CSMD3: variants seen among roughly 807,000 people sequenced by gnomAD.
The protein encoded by CSMD3 is CUB and sushi domain-containing protein 3.
A neutral mutation model predicts 435.2 loss-of-function variants in CSMD3; 177 were observed. The observed-to-expected ratio is 0.41, with a 90% CI of 0.36 to 0.46. CSMD3 has a LOEUF of 0.46. Among genes scored for constraint, CSMD3 ranks in the 20% least tolerant of loss-of-function variants. The pLI, the probability that CSMD3 is intolerant of heterozygous loss-of-function variation, is 0.34. For synonymous variants in CSMD3, 1,656 were observed against 1,520.5 expected (o/e 1.09, Z -2.07); for missense variants, 4,265 against 4,504.6 (o/e 0.95, Z 1.52).
intron 5 of CSMD3, among the ~76,000 whole-genome samples, chr8:113,043,049 C>T (rs976186322): frequency 1.3e-5 from 2 of 152,128 alleles, no homozygotes; most frequent in Non-Finnish European, 1.5e-5. Flanking sequence ...TAACTAGTTT[C>T]GTGTCTCTAA....
At position 113,377,376 on chromosome 8, in the gene CSMD3, C is replaced by A. The variant is rs186091397; in HGVS notation, c.178+59301G>T. ...TATTTCAGTATACACATGAAGTATT[C>A]CAGTTGTAAAATAATATCTGAAAGT... is the stretch of plus-strand genomic sequence containing the variant. On this transcript the variant is annotated intron_variant, in intron 1 of 70. Coordinates refer to ENST00000297405, the MANE Select transcript of CSMD3 (RefSeq NM_198123.2). 4.5e-3 allele frequency: 731 copies of A among 163,328 alleles called. 11 individuals carry two copies. Among genetic ancestry groups the A allele is most frequent in the African/African-American group, 0.017 (703 of 41,622 alleles). 10.1% of individuals were successfully genotyped at this position (163,328 alleles called of 1,614,324 possible).
chr8:112,596,711 C>G (rs1831757426), intron 22 of CSMD3, among the ~76,000 whole-genome samples: 1 of 152,034 alleles, frequency 6.6e-6, no homozygotes, highest in Non-Finnish European at 1.5e-5. Flanking sequence ...GATTAAGAAT[C>G]TCACTCAAAA....
At chr8:112,814,973 G>A (rs959744180) in intron 12 of CSMD3, among the ~76,000 whole-genome samples, 19 of 51,960 alleles carry the variant, frequency 3.7e-4, no homozygotes, top group Admixed American at 3.0e-3. Context: ...TGCAACTTTC[G>A]CTTTTTATGA....
rs1048941770 is a variant in CSMD3 at position 112,351,385 on chromosome 8, A to C, written c.6256-141T>G. ...ACATATTTACTTATATGAAAATCTT[A>C]GCATGATTAAAGTAAGAAAGGTGAT... is the stretch of plus-strand genomic sequence containing the variant. On this transcript the variant is annotated intron_variant, in intron 39 of 70. Coordinates refer to ENST00000297405, the MANE Select transcript of CSMD3 (RefSeq NM_198123.2). 1.3e-5 allele frequency: 8 copies of C among 607,338 alleles called. No homozygotes were observed. The African/African-American group carries it at 1.5e-4, about 11-fold the overall frequency. The allele number at this position is 607,338 out of a possible 1,614,324, so 37.6% of individuals were successfully genotyped here. A position where few individuals can be genotyped will look rare whatever the true frequency, so the allele number is the denominator to read the frequency against.
chr8:113,223,868 C>A, intron 3 of CSMD3, among the ~76,000 whole-genome samples: 1 of 149,832 alleles, frequency 6.7e-6, no homozygotes, highest in East Asian at 2.0e-4. Context: ...ATATTATTTC[C>A]AGCTACTAAT....
chr8:112,424,835 G>C (rs1341258400), intron 32 of CSMD3, among the ~76,000 whole-genome samples: 1 of 152,112 alleles, frequency 6.6e-6, no homozygotes, highest in African/African-American at 2.4e-5. Context: ...GGGACCACAG[G>C]CATGTGCCAC....
At chr8:112,870,573 G>A (rs944462016) in intron 10 of CSMD3, among the ~76,000 whole-genome samples, 1 of 151,854 alleles carries the variant, frequency 6.6e-6, no homozygotes, top group African/African-American at 2.4e-5. Context: ...ACTGCGCCCG[G>A]CCCAGAATGG....
At chr8:113,261,388 T>C (rs896364934) in intron 3 of CSMD3, among the ~76,000 whole-genome samples, 2 of 152,158 alleles carry the variant, frequency 1.3e-5, no homozygotes, top group African/African-American at 4.8e-5. Flanking sequence ...AATTAGCATG[T>C]ATTTTTCAAT....
chr8:112,258,076 A>T (rs1268124824), intron 61 of CSMD3, among the ~76,000 whole-genome samples: 1 of 152,218 alleles, frequency 6.6e-6, no homozygotes, highest in Non-Finnish European at 1.5e-5. Context: ...CTGGTGAGCC[A>T]TACGCAGAAA....
At chr8:112,598,948 C>T (rs895192705) in intron 22 of CSMD3, among the ~76,000 whole-genome samples, 1 of 151,250 alleles carries the variant, frequency 6.6e-6, no homozygotes, top group African/African-American at 2.4e-5. Flanking sequence ...CCATTCAGGA[C>T]ATAGGCATGG....
intron 19 of CSMD3, among the ~76,000 whole-genome samples, chr8:112,645,490 T>C (rs1382717857): frequency 1.3e-5 from 2 of 152,176 alleles, no homozygotes; most frequent in African/African-American, 4.8e-5. Flanking sequence ...ATAAGCAGTA[T>C]TTGCATAAAT....
intron 5 of CSMD3, among the ~76,000 whole-genome samples, chr8:113,019,936 G>T (rs1167008056): frequency 6.6e-6 from 1 of 151,768 alleles, no homozygotes; most frequent in Non-Finnish European, 1.5e-5. Flanking sequence ...GGCCGAGGCG[G>T]GTGGATCATG....
At chr8:112,335,191 T>C in intron 45 of CSMD3, 138 bp downstream of exon 45, 1 of 837,312 alleles carries the variant, frequency 1.2e-6, no homozygotes, top group Non-Finnish European at 1.9e-6. Flanking sequence ...GTGTTTGAAA[T>C]GCTAAAGTTA....
At chr8:113,246,847 T>C (rs542943193) in intron 3 of CSMD3, among the ~76,000 whole-genome samples, 3 of 152,292 alleles carry the variant, frequency 2.0e-5, no homozygotes, top group South Asian at 2.1e-4. Context: ...TTGACTAAGA[T>C]TGAACGGAGA....
chr8:112,635,496 T>A (rs1170829306), intron 22 of CSMD3, among the ~76,000 whole-genome samples: 1 of 151,724 alleles, frequency 6.6e-6, no homozygotes, highest in Non-Finnish European at 1.5e-5. Flanking sequence ...GTAGCAGTAG[T>A]AACAACAAAA....
intron 12 of CSMD3, among the ~76,000 whole-genome samples, chr8:112,807,526 AGG>A (rs2079120264): frequency 6.7e-6 from 1 of 150,360 alleles, no homozygotes; most frequent in Non-Finnish European, 1.5e-5. Flanking sequence ...GTAGGTAGGT[AGG>A]TAGGTAGGTA....
chr8:112,749,820 T>C (rs2077525743), intron 13 of CSMD3, among the ~76,000 whole-genome samples: 1 of 151,644 alleles, frequency 6.6e-6, no homozygotes, highest in Non-Finnish European at 1.5e-5. Flanking sequence ...ATTCAAATTA[T>C]AACTAGAAGT....
At chr8:112,440,695 T>C (rs531284545) in intron 32 of CSMD3, among the ~76,000 whole-genome samples, 9 of 152,322 alleles carry the variant, frequency 5.9e-5, no homozygotes, top group Non-Finnish European at 8.8e-5. Context: ...TTGATTTTTG[T>C]GTACCCACAG....
At chr8:112,492,295 G>A (rs1820777393) in intron 31 of CSMD3, among the ~76,000 whole-genome samples, 194 bp downstream of exon 31, 1 of 152,072 alleles carries the variant, frequency 6.6e-6, no homozygotes, top group Non-Finnish European at 1.5e-5. Flanking sequence ...AGACACCTGG[G>A]AATATAAGCA....
Sources: allele counts gnomAD v4.1 joint callset (sites outside exome capture counted in the v4.1 genomes callset), GRCh38; gene constraint gnomAD v4.1.1; transcripts MANE v1.5; gene names NCBI Gene and HGNC (gene_info 2026-07-23, HGNC 2026-07-21).